Variants in NIPA1 observed in about 807,000 individuals in gnomAD.
The protein encoded by NIPA1 is magnesium transporter NIPA1.
Under a neutral mutation model 23.9 loss-of-function variants are expected in NIPA1, and 13 were observed. That is an observed-to-expected ratio of 0.54 (90% CI 0.35 to 0.87). The LOEUF is 0.87. Ranked by LOEUF, NIPA1 falls within the 40% of genes least tolerant of loss-of-function variation. The pLI, the probability that NIPA1 is intolerant of heterozygous loss-of-function variation, is 0.01. For synonymous variants in NIPA1, 234 were observed against 202.9 expected (o/e 1.15, Z -1.30); for missense variants, 362 against 429.7 (o/e 0.84, Z 1.39).
At chr15:22,806,219 G>A (rs982128943) in intron 1 of NIPA1, among the ~76,000 whole-genome samples, 3 of 152,162 alleles carry the variant, frequency 2.0e-5, no homozygotes, top group African/African-American at 7.2e-5. Flanking sequence ...CACCGCGCCC[G>A]GCCTAAAGCT....
chr15:22,809,341 C>T (rs531131015), intron 1 of NIPA1, among the ~76,000 whole-genome samples: 197 of 152,124 alleles, frequency 1.3e-3, no homozygotes, highest in African/African-American at 4.5e-3. Flanking sequence ...CAGCTGAGAT[C>T]GTGCCACTGC....
At chr15:22,803,404 A>T (rs1489599733) in intron 1 of NIPA1, among the ~76,000 whole-genome samples, 1 of 151,846 alleles carries the variant, frequency 6.6e-6, no homozygotes, top group Non-Finnish European at 1.5e-5. Context: ...TATATTAACC[A>T]TACAGATATA....
intron 1 of NIPA1, among the ~76,000 whole-genome samples, chr15:22,806,487 G>A (rs1895215580): frequency 6.6e-6 from 1 of 152,208 alleles, no homozygotes. Flanking sequence ...AGGAGTGGGG[G>A]AGGAGACGTG....
chr15:22,812,286 T>C, intron 3 of NIPA1, 33 bp downstream of exon 3: 4 of 1,426,404 alleles, frequency 2.8e-6, no homozygotes, highest in Non-Finnish European at 4.0e-6. Flanking sequence ...GTATTTAATG[T>C]GTAGTGTAGA....
chr15:22,814,065 A>C (rs1214792701), intron 3 of NIPA1: 10 of 1,245,732 alleles, frequency 8.0e-6, no homozygotes, highest in Non-Finnish European at 1.1e-6. Context: ...AGAAATGTTC[A>C]CTGCTCCACA....
chr15:22,792,562 G>A (rs1001853070), intron 1 of NIPA1, among the ~76,000 whole-genome samples: 1 of 151,936 alleles, frequency 6.6e-6, no homozygotes, highest in African/African-American at 2.4e-5. Context: ...GTTTCACCAT[G>A]TTAGCCAGAA....
chr15:22,801,352 A>T (rs1304617515), intron 1 of NIPA1, among the ~76,000 whole-genome samples: 1 of 151,936 alleles, frequency 6.6e-6, no homozygotes, highest in East Asian at 1.9e-4. Context: ...TCTACCCGTC[A>T]TGTATCAAGG....
chr15:22,801,251 G>T (rs1356115208), intron 1 of NIPA1, among the ~76,000 whole-genome samples: 1 of 152,100 alleles, frequency 6.6e-6, no homozygotes, highest in East Asian at 1.9e-4. Flanking sequence ...GACATTTCCA[G>T]TTCCTTACCA....
At chr15:22,803,190 C>T (rs1046131238) in intron 1 of NIPA1, among the ~76,000 whole-genome samples, 3 of 151,962 alleles carry the variant, frequency 2.0e-5, no homozygotes, top group South Asian at 4.1e-4. Context: ...CTCCTGACCG[C>T]GGGTGATCCA....
chr15:22,796,181 CA>C (rs1894935706), intron 1 of NIPA1, among the ~76,000 whole-genome samples: 1 of 152,048 alleles, frequency 6.6e-6, no homozygotes, highest in Admixed American at 6.6e-5. Context: ...CTCAGCCTCC[CA>C]AAGTGCTGGG....
rs1022534252 is a variant in NIPA1 at position 22,828,282 on chromosome 15, A to G, written c.*4043A>G. 2.6e-5 allele frequency: 4 copies of G among 152,580 alleles called. No individual in the cohort carries two copies. Among genetic ancestry groups the G allele is most frequent in the Admixed American group, 2.6e-4 (4 of 15,270 alleles). 9.5% of individuals were successfully genotyped at this position (152,580 alleles called of 1,614,324 possible). On this transcript the variant is annotated 3_prime_UTR_variant, in exon 5 of 5. Transcript: ENST00000337435. The stretch of plus-strand genomic sequence containing the variant: ...AGGTTTTACTCATATTCATAGGTAG[A>G]TTCTGTTAATGTGAGTTGGAAAGAA...
intron 1 of NIPA1, among the ~76,000 whole-genome samples, chr15:22,803,645 A>G (rs111880704): frequency 0.012 from 1,549 of 133,670 alleles, 28 homozygotes; most frequent in African/African-American, 0.041. Flanking sequence ...AGTAGCTGGG[A>G]TTACAGGCAC....
At chr15:22,786,451 C>G (rs1894698002), upstream of NIPA1, among the ~76,000 whole-genome samples, 1 of 152,012 alleles carries the variant, frequency 6.6e-6, no homozygotes, top group Non-Finnish European at 1.5e-5. Flanking sequence ...CTCACCGGCC[C>G]CTCACTGCCG....
chr15:22,829,165 C>CA lies in NIPA1; in HGVS notation c.*4927dup, dbSNP rs1456911355. 1 of 152,174 alleles carries CA rather than the reference C, an allele frequency of 6.6e-6. No homozygotes were observed. Among genetic ancestry groups the CA allele is most frequent in the East Asian group, 1.9e-4 (1 of 5,200 alleles). The allele number at this position is 152,174 out of a possible 1,614,324, so 9.4% of individuals were successfully genotyped here. On this transcript the variant is annotated 3_prime_UTR_variant, in exon 5 of 5. Transcript: ENST00000337435. ...ACTTCAGAAAGCCGCACAGAAAGAT[C>CA]ACCTTCCGATGGTGTGATGTGCTCC...
In NIPA1 at chr15:22,821,826, A is replaced by G. The variant is rs77176760; in HGVS notation, c.478+1353A>G. 3.9e-5 allele frequency among the ~76,000 whole-genome samples: 6 copies of G among 152,210 alleles called. No individual in the cohort carries two copies. In the East Asian group the frequency reaches 7.7e-4, roughly 20 times the overall value. ...CCCAGCCCTCTCAGGTCCATTTGTG[A>G]TGTTGGAATGGATTTCATGGAAAAC... On this transcript the variant is annotated intron_variant, in intron 4 of 4. Coordinates refer to ENST00000337435, the MANE Select transcript of NIPA1 (RefSeq NM_144599.5).
chr15:22,814,321 G>T (rs1029160336), intron 3 of NIPA1, among the ~76,000 whole-genome samples: 1 of 150,994 alleles, frequency 6.6e-6, no homozygotes. Context: ...GCAGTGGCAC[G>T]ATCTCGGCTC....
At chr15:22,820,207 A>G (rs1895508639) in intron 3 of NIPA1, 106 bp from the exon 4 acceptor site, 1 of 856,462 alleles carries the variant, frequency 1.2e-6, no homozygotes, top group Non-Finnish European at 1.9e-6. Flanking sequence ...TTAAAGGGAA[A>G]AAAAGAAGAA....
At chr15:22,789,268 C>T (rs966324955) in intron 1 of NIPA1, among the ~76,000 whole-genome samples, 5 of 152,100 alleles carry the variant, frequency 3.3e-5, no homozygotes, top group African/African-American at 1.2e-4. Flanking sequence ...GGATTACAGG[C>T]GTGAGCCACC....
intron 1 of NIPA1, among the ~76,000 whole-genome samples, chr15:22,801,763 C>G (rs1197633949): frequency 6.6e-6 from 1 of 152,032 alleles, no homozygotes; most frequent in Non-Finnish European, 1.5e-5. Flanking sequence ...GATCCATATG[C>G]CTTGGCCTCC....
Sources: gnomAD v4.1 joint callset for allele counts (sites outside exome capture counted in the v4.1 genomes callset) on GRCh38, gnomAD v4.1.1 for gene constraint, MANE v1.5 for transcripts, NCBI Gene and HGNC (gene_info 2026-07-23, HGNC 2026-07-21) for gene names.